HNF4A: variants seen among roughly 807,000 people sequenced by gnomAD.
HNF4A encodes the protein hepatocyte nuclear factor 4 alpha, also known as hepatocyte nuclear factor 4-alpha.
Under a neutral mutation model 52.4 loss-of-function variants are expected in HNF4A, and 15 were observed. The ratio of observed to expected loss-of-function variants is 0.29; its 90% CI spans 0.19 to 0.44. The LOEUF (loss-of-function observed/expected upper bound fraction) is 0.44. HNF4A is among the 20% of genes least tolerant of loss of function. The probability of loss-of-function intolerance (pLI) is 1.00; values close to 1 mark genes in which losing one functional copy is unlikely to be tolerated. For synonymous variants in HNF4A, 280 were observed against 264.4 expected, an observed-to-expected ratio of 1.06 and a Z score of -0.57; for missense variants, 479 against 647.2, an observed-to-expected ratio of 0.74 and a Z score of 2.82.
chr20:44,402,639 A>G (rs896404397), intron 1 of HNF4A: 3 of 1,359,514 alleles, frequency 2.2e-6, no homozygotes. Context: ...AGTTCTCCAC[A>G]GGGAGGTAGG....
chr20:44,393,820 G>A (rs2063328374), intron 1 of HNF4A, among the ~76,000 whole-genome samples: 1 of 152,228 alleles, frequency 6.6e-6, no homozygotes, highest in African/African-American at 2.4e-5. Context: ...GGTGGAGAGA[G>A]TCAGGGCAGG....
intron 2 of HNF4A, among the ~76,000 whole-genome samples, chr20:44,406,686 T>G (rs973216839): frequency 1.1e-4 from 17 of 152,332 alleles, no homozygotes; most frequent in Non-Finnish European, 2.2e-4. Flanking sequence ...GAGCCCTCTT[T>G]CGAAAGCATC....
chr20:44,419,713 C>T lies in HNF4A; in HGVS notation c.737-8C>T. 1.2e-6 allele frequency: 2 copies of T among 1,613,100 alleles called. No homozygotes were observed. The highest frequency in any genetic ancestry group is 1.7e-6 in the Non-Finnish European group (2 of 1,179,438). ...CTTCCCATCCTCCCTCCCTCCCAAC[C>T]CTTCCAGGCAATGACTACATTGTCC... On this transcript the variant is annotated splice_region_variant and splice_polypyrimidine_tract_variant and intron_variant, in intron 6 of 9. Transcript: ENST00000316099.
intron 8 of HNF4A, among the ~76,000 whole-genome samples, chr20:44,427,095 G>T (rs1404499010): frequency 6.6e-6 from 1 of 152,302 alleles, no homozygotes; most frequent in East Asian, 1.9e-4. Context: ...CTGCATCTCT[G>T]TCCTGTACCC....
chr20:44,382,265 A>G (rs1162212306), intron 1 of HNF4A, among the ~76,000 whole-genome samples: 1 of 148,288 alleles, frequency 6.7e-6, no homozygotes, highest in Non-Finnish European at 1.5e-5. Context: ...TTTGAGACGA[A>G]CTCTCGCTCT....
chr20:44,402,691 C>A lies in HNF4A; in HGVS notation c.115+1204C>A, dbSNP rs976373121. On this transcript the variant is annotated intron_variant, in intron 1 of 9. Coordinates refer to ENST00000316099, the MANE Select transcript of HNF4A (RefSeq NM_000457.6). ...GGAAACCCCTCCTGGAGGGAAGAGC[C>A]CCATCGGTCCCAGGCCAGCCTCAGA... 7.8e-6 allele frequency: 9 copies of A among 1,159,814 alleles called. No homozygotes were observed. In the African/African-American group the frequency reaches 9.5e-5, roughly 12 times the overall value. 71.8% of individuals were successfully genotyped at this position (1,159,814 alleles called of 1,614,324 possible).
chr20:44,356,594 GTTAAA>G (rs1162075985), intron 1 of HNF4A, among the ~76,000 whole-genome samples: 1 of 152,190 alleles, frequency 6.6e-6, no homozygotes, highest in Non-Finnish European at 1.5e-5. Context: ...GAACCTCTCA[GTTAAA>G]TTAAGTGAAA....
At chr20:44,405,868 C>A (rs1034637358) in intron 1 of HNF4A, among the ~76,000 whole-genome samples, 190 bp from the exon 2 acceptor site, 6 of 152,226 alleles carry the variant, frequency 3.9e-5, no homozygotes, top group African/African-American at 1.4e-4. Flanking sequence ...AAGTCACAAC[C>A]AGCCCCAGTT....
chr20:44,384,564 C>T (rs1183417176), intron 1 of HNF4A: 3 of 152,140 alleles, frequency 2.0e-5, no homozygotes, highest in Non-Finnish European at 4.4e-5. Context: ...GGGCGCTCCG[C>T]GTTGTGGAAC....
chr20:44,387,463 C>T (rs557680982), intron 1 of HNF4A, among the ~76,000 whole-genome samples: 2 of 150,754 alleles, frequency 1.3e-5, no homozygotes, highest in African/African-American at 4.9e-5. Flanking sequence ...AAAACAAGGG[C>T]GTGCATGGCC....
intron 7 of HNF4A, among the ~76,000 whole-genome samples, chr20:44,420,511 G>T (rs2063729697): frequency 6.6e-6 from 1 of 152,022 alleles, no homozygotes; most frequent in African/African-American, 2.4e-5. Context: ...CGGATGTGGT[G>T]GCTCACATCT....
intron 1 of HNF4A, among the ~76,000 whole-genome samples, chr20:44,378,459 G>C (rs900437689): frequency 2.6e-5 from 4 of 151,784 alleles, no homozygotes; most frequent in African/African-American, 7.3e-5. Context: ...GTAGAGACAG[G>C]GTTTCACTAT....
intron 1 of HNF4A, among the ~76,000 whole-genome samples, chr20:44,373,677 CT>C (rs908460806): frequency 3.9e-4 from 58 of 148,954 alleles, no homozygotes; most frequent in Admixed American, 1.0e-3. Context: ...TATACACACC[CT>C]TTTTTTTTTA....
chr20:44,429,618 C>CAA lies in HNF4A; in HGVS notation c.1378_1379insAA (p.Leu460GlnfsTer60). On this transcript the variant is annotated frameshift_variant, in exon 10 of 10. Transcript: ENST00000316099. LOFTEE classifies it high-confidence loss of function. Reference sequence around the variant, plus strand: ...AGCCGTCGCCACAATCGTCAAGCCCCTCTCTGCCATCCCCCAGCCGACCAT... The same window carrying CAA: ...AGCCGTCGCCACAATCGTCAAGCCCCAATCTCTGCCATCCCCCAGCCGACCAT... 1 of 1,614,116 alleles carries CAA rather than the reference C, an allele frequency of 6.2e-7. No homozygotes were observed.
chr20:44,429,632 C>G lies in HNF4A; in HGVS notation c.1392C>G (p.Pro464=), dbSNP rs757133445. Residue 464 remains proline (P), a synonymous_variant, in exon 10 of 10, where the codon CCC becomes CCG. Transcript: ENST00000316099. ...TCGTCAAGCCCCTCTCTGCCATCCC[C>G]CAGCCGACCATCACCAAGCAGGAAG... The G allele has an allele frequency of 4.3e-6, 7 of 1,614,066 alleles. No homozygotes were observed. In the East Asian group the frequency reaches 1.6e-4, roughly 36 times the overall value.
chr20:44,361,175 G>A (rs1279904004), intron 1 of HNF4A, among the ~76,000 whole-genome samples: 1 of 151,940 alleles, frequency 6.6e-6, no homozygotes, highest in Non-Finnish European at 1.5e-5. Context: ...CACAAACCTG[G>A]TTGCACATAG....
intron 1 of HNF4A, among the ~76,000 whole-genome samples, chr20:44,374,536 T>C (rs1222124068): frequency 1.3e-5 from 2 of 152,188 alleles, no homozygotes; most frequent in Non-Finnish European, 1.5e-5. Flanking sequence ...CAATCTCAGC[T>C]CACTGCAACC....
In HNF4A at chr20:44,431,225, C is replaced by A. The variant is rs184324368; in HGVS notation, c.*1560C>A. 3.3e-4 allele frequency: 51 copies of A among 152,386 alleles called. No homozygotes were observed. The highest frequency in any genetic ancestry group is 1.2e-3 in the African/African-American group (51 of 41,554). 9.4% of individuals were successfully genotyped at this position (152,386 alleles called of 1,614,324 possible). On this transcript the variant is annotated 3_prime_UTR_variant, in exon 10 of 10. Coordinates refer to ENST00000316099, the MANE Select transcript of HNF4A (RefSeq NM_000457.6). ...TCTCCAAAGGCTCCCTGTGTTCTCA[C>A]CGTGATCAAGTTGAGGGGCTTCCGG...
chr20:44,409,263 A>T (rs1405999321), intron 3 of HNF4A, among the ~76,000 whole-genome samples: 1 of 152,166 alleles, frequency 6.6e-6, no homozygotes, highest in Non-Finnish European at 1.5e-5. Context: ...CCAGTTTTCA[A>T]TGGGGTTAAG....
Sources: allele counts gnomAD v4.1 joint callset (sites outside exome capture counted in the v4.1 genomes callset), GRCh38; gene constraint gnomAD v4.1.1; transcripts MANE v1.5; gene names NCBI Gene and HGNC (gene_info 2026-07-23, HGNC 2026-07-21).